Variants in SESN1 observed in about 807,000 individuals in gnomAD.
SESN1 encodes sestrin 1.
SESN1 carries 30 observed loss-of-function variants against 59.3 expected under a neutral mutation model. The observed-to-expected ratio is 0.51, with a 90% confidence interval of 0.38 to 0.69. The LOEUF is 0.69. Ranked by LOEUF, SESN1 falls within the 30% of genes least tolerant of loss-of-function variation. The pLI is 0.00. For synonymous variants in SESN1, 197 were observed against 219.9 expected (o/e 0.90, Z 0.92); for missense variants, 566 against 673.0 (o/e 0.84, Z 1.76).
intron 1 of SESN1, among the ~76,000 whole-genome samples, chr6:109,002,934 GT>G (rs971952061): frequency 5.3e-5 from 8 of 151,540 alleles, no homozygotes; most frequent in Non-Finnish European, 1.0e-4. Flanking sequence ...CTTAAATTAA[GT>G]TTTTTTTTAT....
intron 1 of SESN1, among the ~76,000 whole-genome samples, chr6:109,056,047 T>C (rs1583289495): frequency 6.6e-6 from 1 of 152,346 alleles, no homozygotes; most frequent in East Asian, 1.9e-4. Flanking sequence ...GCTATTTCTG[T>C]TAGCTAGCTA....
chr6:109,086,096 C>T (rs149357202), intron 1 of SESN1, among the ~76,000 whole-genome samples: 208 of 152,214 alleles, frequency 1.4e-3, no homozygotes, highest in Non-Finnish European at 1.5e-3. Flanking sequence ...CGGTGGCTCA[C>T]ACCTGCAATC....
intron 1 of SESN1, among the ~76,000 whole-genome samples, chr6:109,041,038 T>G (rs1279889931): frequency 6.6e-6 from 1 of 151,728 alleles, no homozygotes; most frequent in Non-Finnish European, 1.5e-5. Context: ...CAGTGGCTCA[T>G]GCCCATAATC....
rs1359710755 is a variant in SESN1, at chr6:108,984,345, T to G, written c.*3199A>C. ...TAACAGAAATTTATTGCTCACAGTT[T>G]TGGAGGCTGGGAAGTCCGATATCAA... On this transcript the variant is annotated 3_prime_UTR_variant, in exon 10 of 10. Coordinates refer to ENST00000436639, the MANE Select transcript of SESN1 (RefSeq NM_014454.3). Among the ~76,000 whole-genome samples, 2 of 152,190 alleles carry G rather than the reference T, an allele frequency of 1.3e-5. No homozygotes were observed. The highest frequency in any genetic ancestry group is 4.8e-5 in the African/African-American group (2 of 41,434).
chr6:109,088,201 C>T (rs1413635879), intron 1 of SESN1: 2 of 151,454 alleles, frequency 1.3e-5, no homozygotes, highest in African/African-American at 4.9e-5. Context: ...GCACATGGTG[C>T]CTGGAATAGC....
intron 1 of SESN1, among the ~76,000 whole-genome samples, chr6:109,070,861 A>AATATC (rs1780922343): frequency 6.6e-6 from 1 of 152,204 alleles, no homozygotes; most frequent in Non-Finnish European, 1.5e-5. Flanking sequence ...CTGCATTTCC[A>AATATC]ATATCTTCCC....
chr6:109,067,007 T>C (rs1583293918), intron 1 of SESN1, among the ~76,000 whole-genome samples: 1 of 152,320 alleles, frequency 6.6e-6, no homozygotes, highest in Middle Eastern at 3.4e-3. Flanking sequence ...GCAAAATCAA[T>C]TATGTTTCCT....
Position 108,985,334 on chromosome 6 carries a change from T to G in SESN1, c.*2210A>C, listed in dbSNP as rs939112196. On this transcript the variant is annotated 3_prime_UTR_variant, in exon 10 of 10. Transcript: ENST00000436639. ...ATCCTGGGACCCTCAACCAGAAATCTTCTCATGATTATTTTAGAAGAAAAT... is the reference window on the plus strand; with the variant it reads ...ATCCTGGGACCCTCAACCAGAAATCGTCTCATGATTATTTTAGAAGAAAAT... Among the ~76,000 whole-genome samples the G allele has an allele frequency of 1.3e-5, 2 of 152,130 alleles. No homozygotes were observed. The highest frequency in any genetic ancestry group is 1.5e-5 in the Non-Finnish European group (1 of 68,008).
chr6:108,989,444 T>A (rs1408028191), intron 8 of SESN1, among the ~76,000 whole-genome samples: 1 of 147,338 alleles, frequency 6.8e-6, no homozygotes, highest in African/African-American at 2.6e-5. Context: ...TAGATCTAGA[T>A]ACATCTCTAT....
intron 1 of SESN1, among the ~76,000 whole-genome samples, chr6:109,046,448 A>T (rs1316062453): frequency 6.7e-6 from 1 of 149,308 alleles, no homozygotes; most frequent in Non-Finnish European, 1.5e-5. Context: ...TACACCTCCC[A>T]GCCGCCTGCC....
chr6:109,074,474 G>A (rs1248053668), intron 1 of SESN1, among the ~76,000 whole-genome samples: 4 of 152,140 alleles, frequency 2.6e-5, no homozygotes, highest in Non-Finnish European at 4.4e-5. Flanking sequence ...ATTGTATTCA[G>A]TGGGTTAAAT....
At chr6:109,012,836 C>T (rs1056558470) in intron 1 of SESN1, among the ~76,000 whole-genome samples, 2 of 151,988 alleles carry the variant, frequency 1.3e-5, no homozygotes, top group African/African-American at 2.4e-5. Flanking sequence ...AGCAGTAGGC[C>T]GGGCGTGGTG....
intron 1 of SESN1, among the ~76,000 whole-genome samples, chr6:109,027,423 G>C (rs1356341061): frequency 1.4e-5 from 2 of 143,876 alleles, no homozygotes; most frequent in African/African-American, 5.2e-5. Context: ...GCTGCAGTGA[G>C]CTGAGATCGC....
chr6:109,019,140 T>C (rs891481682), intron 1 of SESN1, among the ~76,000 whole-genome samples: 1 of 152,196 alleles, frequency 6.6e-6, no homozygotes, highest in African/African-American at 2.4e-5. Flanking sequence ...AGAATTCTAG[T>C]AATATTGTTT....
intron 1 of SESN1, among the ~76,000 whole-genome samples, chr6:109,032,126 G>C (rs1044801050): frequency 1.3e-5 from 2 of 152,102 alleles, no homozygotes; most frequent in African/African-American, 4.8e-5. Context: ...AAAAAAATTA[G>C]CCAGGCGTGG....
At chr6:109,012,300 T>C (rs1779872282) in intron 1 of SESN1, among the ~76,000 whole-genome samples, 1 of 151,558 alleles carries the variant, frequency 6.6e-6, no homozygotes, top group Non-Finnish European at 1.5e-5. Context: ...TGGAGTGCAG[T>C]GGTACGAACT....
chr6:108,988,991 C>T (rs937072371), intron 8 of SESN1, among the ~76,000 whole-genome samples: 4 of 152,134 alleles, frequency 2.6e-5, no homozygotes, highest in Non-Finnish European at 5.9e-5. Context: ...ATCATGAACA[C>T]GTAGCCACAC....
Position 109,063,290 on chromosome 6 carries a change from G to C in SESN1, c.279+30505C>G, listed in dbSNP as rs748740986. Among the ~76,000 whole-genome samples the C allele has an allele frequency of 2.0e-5, 3 of 152,026 alleles. No individual in the cohort carries two copies. In the East Asian group the frequency reaches 5.8e-4, roughly 29 times the overall value. ...TGTTTGAAGAGAAATAAGTAGGAGG[G>C]TGGGGTGGTGGGAGGGAGCACACGA... is the stretch of plus-strand genomic sequence containing the variant. On this transcript the variant is annotated intron_variant, in intron 1 of 9. Coordinates refer to ENST00000436639, the MANE Select transcript of SESN1 (RefSeq NM_014454.3).
Position 109,002,274 on chromosome 6 carries a change from G to A in SESN1, c.345+4C>T. ...TTCACTATGTACTTTCACAAACAAC[G>A]TACCTCCTTTTCTGGGATGAATCTG... On this transcript the variant is annotated splice_donor_region_variant and intron_variant, in intron 2 of 9. Coordinates refer to ENST00000436639, the MANE Select transcript of SESN1 (RefSeq NM_014454.3). 4 of 1,612,292 alleles carry A rather than the reference G, an allele frequency of 2.5e-6. No homozygotes were observed. Among genetic ancestry groups the A allele is most frequent in the Non-Finnish European group, 2.5e-6 (3 of 1,178,480 alleles).
Sources: gnomAD v4.1 joint callset for allele counts (sites outside exome capture counted in the v4.1 genomes callset) on GRCh38, gnomAD v4.1.1 for gene constraint, MANE v1.5 for transcripts, NCBI Gene and HGNC (gene_info 2026-07-23, HGNC 2026-07-21) for gene names.